Variants in CD247 observed in about 807,000 individuals in gnomAD.
CD247 encodes CD247 molecule.
Under a neutral mutation model 30.0 loss-of-function variants are expected in CD247, and 13 were observed. The observed-to-expected ratio is 0.43, with a 90% CI of 0.28 to 0.69. The LOEUF is 0.69. CD247 is among the 30% of genes least tolerant of loss of function. CD247 has a pLI of 0.16. For synonymous variants in CD247, 72 were observed against 80.0 expected (o/e 0.90, Z 0.53); for missense variants, 193 against 212.6 (o/e 0.91, Z 0.57).
At chr1:167,433,098 G>A in intron 6 of CD247, 39 bp from the exon 7 acceptor site, 3 of 1,610,182 alleles carry the variant, frequency 1.9e-6, no homozygotes, top group Non-Finnish European at 2.6e-6. Context: ...GGATTAGAAA[G>A]TCAGGCAGTC....
intron 1 of CD247, among the ~76,000 whole-genome samples, chr1:167,513,772 T>C (rs1458795146): frequency 1.3e-5 from 2 of 152,262 alleles, no homozygotes; most frequent in East Asian, 3.8e-4. Flanking sequence ...GTTATAATGT[T>C]AGTTGAATCA....
chr1:167,440,925 C>T (rs1056743920), intron 1 of CD247, among the ~76,000 whole-genome samples, 158 bp from the exon 2 acceptor site: 22 of 152,192 alleles, frequency 1.4e-4, no homozygotes, highest in African/African-American at 5.3e-4. Flanking sequence ...CTCTCCCTCC[C>T]TCCCACCTCA....
At chr1:167,490,256 T>A (rs1244327220) in intron 1 of CD247, among the ~76,000 whole-genome samples, 1 of 152,252 alleles carries the variant, frequency 6.6e-6, no homozygotes, top group Non-Finnish European at 1.5e-5. Flanking sequence ...TTCCCCGTCA[T>A]CTGACCTCAT....
chr1:167,487,871 C>T (rs1005624013), intron 1 of CD247, among the ~76,000 whole-genome samples: 2 of 152,318 alleles, frequency 1.3e-5, no homozygotes, highest in East Asian at 3.9e-4. Flanking sequence ...GCTGGGATTA[C>T]AAGTATCTAC....
At chr1:167,462,905 A>G (rs1382698077) in intron 1 of CD247, among the ~76,000 whole-genome samples, 1 of 151,766 alleles carries the variant, frequency 6.6e-6, no homozygotes, top group African/African-American at 2.4e-5. Context: ...CCCTCCCACC[A>G]GCCTTATTTT....
intron 5 of CD247, chr1:167,434,709 C>T (rs1651445299): frequency 2.3e-6 from 1 of 443,120 alleles, no homozygotes; most frequent in Admixed American, 2.4e-5. Context: ...CCCCTACACC[C>T]CAGGCTGATC....
chr1:167,463,887 T>G (rs2102035151), intron 1 of CD247, among the ~76,000 whole-genome samples: 1 of 152,312 alleles, frequency 6.6e-6, no homozygotes, highest in African/African-American at 2.4e-5. Flanking sequence ...GTCAGAGAAA[T>G]GGTGACAAAG....
chr1:167,487,556 C>T (rs746823380), intron 1 of CD247, among the ~76,000 whole-genome samples: 2 of 152,158 alleles, frequency 1.3e-5, no homozygotes, highest in African/African-American at 4.8e-5. Flanking sequence ...ATGCTTAAAC[C>T]GCATAACCTT....
chr1:167,476,235 C>G lies in CD247; in HGVS notation c.59-35468G>C, dbSNP rs540495572. Among the ~76,000 whole-genome samples the G allele has an allele frequency of 1.3e-3, 193 of 152,218 alleles. 1 individual carries two copies. The highest frequency in any genetic ancestry group is 4.6e-3 in the African/African-American group (190 of 41,544). On this transcript the variant is annotated intron_variant, in intron 1 of 7. Coordinates refer to ENST00000362089, the MANE Select transcript of CD247 (RefSeq NM_198053.3). ...TGACACCTTCTCAGATTCTGCTGAGCTTCCTGAGGGTGGACTCTGAATCTT... is the reference window on the plus strand; with the variant it reads ...TGACACCTTCTCAGATTCTGCTGAGGTTCCTGAGGGTGGACTCTGAATCTT...
rs1409388691 is a variant in CD247, at chr1:167,494,640, G to A, written c.58+23768C>T. Reference sequence around the variant, plus strand: ...TGTTTTCCTAATTGTATTTTGCACTGTGGCTTTACACAGCCCATGTCTCTG... The same window carrying A: ...TGTTTTCCTAATTGTATTTTGCACTATGGCTTTACACAGCCCATGTCTCTG... On this transcript the variant is annotated intron_variant, in intron 1 of 7. Transcript: ENST00000362089. This position sits in a 1 kb window ranked among gnomAD's most constrained non-coding sequence, Gnocchi z 7.3. Among the ~76,000 whole-genome samples, 2 of 152,162 alleles carry A rather than the reference G, an allele frequency of 1.3e-5. No individual in the cohort carries two copies. The highest frequency in any genetic ancestry group is 2.1e-4 in the South Asian group (1 of 4,834).
intron 1 of CD247, among the ~76,000 whole-genome samples, chr1:167,507,708 C>A (rs148651933): frequency 6.6e-6 from 1 of 151,950 alleles, no homozygotes; most frequent in Non-Finnish European, 1.5e-5. Context: ...TGATGGTGCA[C>A]CCCTATGGTT....
intron 1 of CD247, among the ~76,000 whole-genome samples, chr1:167,484,229 C>G (rs566343134): frequency 6.6e-6 from 1 of 152,216 alleles, no homozygotes; most frequent in South Asian, 2.1e-4. Context: ...GAGACCACTT[C>G]CTTTACCCCC....
rs1195301998 is a variant in CD247 at position 167,430,706 on chromosome 1, CAGT to C, written c.*972_*974del. 2.5e-6 allele frequency: 1 copy of C among 398,538 alleles called. No homozygotes were observed. The highest frequency in any genetic ancestry group is 4.4e-6 in the Non-Finnish European group (1 of 226,082). 24.7% of individuals were successfully genotyped at this position (398,538 alleles called of 1,614,324 possible). On this transcript the variant is annotated 3_prime_UTR_variant, in exon 8 of 8. Transcript: ENST00000362089. Reference sequence around the variant, plus strand: ...TTTAGCATGCCAGTATAAATTAAAACAGTAGAAAAAAAGCAGAGTAGAGAGCGT... The same window carrying C: ...TTTAGCATGCCAGTATAAATTAAAACAGAAAAAAAGCAGAGTAGAGAGCGT...
intron 1 of CD247, among the ~76,000 whole-genome samples, chr1:167,441,815 AG>A (rs1651844686): frequency 6.6e-6 from 1 of 152,236 alleles, no homozygotes; most frequent in African/African-American, 2.4e-5. Context: ...GTTAAATAAA[AG>A]TTTGCATTTT....
At chr1:167,482,955 G>T (rs1262599597) in intron 1 of CD247, among the ~76,000 whole-genome samples, 1 of 147,750 alleles carries the variant, frequency 6.8e-6, no homozygotes, top group Non-Finnish European at 1.5e-5. Flanking sequence ...ATCTGATCCA[G>T]TAACCACACA....
chr1:167,445,991 G>A (rs1652060985), intron 1 of CD247, among the ~76,000 whole-genome samples: 1 of 152,156 alleles, frequency 6.6e-6, no homozygotes, highest in African/African-American at 2.4e-5. Context: ...CTACTTTTGG[G>A]CCCAATTCAC....
intron 1 of CD247, among the ~76,000 whole-genome samples, chr1:167,476,012 G>A (rs181684784): frequency 2.9e-4 from 44 of 152,206 alleles, no homozygotes; most frequent in Admixed American, 2.1e-3. Flanking sequence ...TTTCTTTAAA[G>A]GGTGCTTATC....
intron 1 of CD247, among the ~76,000 whole-genome samples, chr1:167,506,218 CT>C (rs777482932): frequency 1.0e-5 from 1 of 99,110 alleles, no homozygotes; most frequent in South Asian, 3.0e-4. Flanking sequence ...CGCCATCTTT[CT>C]TTTTTCTTTT....
chr1:167,441,018 G>A (rs1206507372), intron 1 of CD247, among the ~76,000 whole-genome samples: 1 of 152,202 alleles, frequency 6.6e-6, no homozygotes, highest in Non-Finnish European at 1.5e-5. Context: ...GGGAGGGGAG[G>A]TGGAAACAAG....
Sources: gnomAD v4.1 joint callset for allele counts (sites outside exome capture counted in the v4.1 genomes callset) on GRCh38, gnomAD v4.1.1 for gene constraint, Gnocchi (gnomAD v3.1) non-coding constraint, MANE v1.5 for transcripts, NCBI Gene and HGNC (gene_info 2026-07-23, HGNC 2026-07-21) for gene names.